GADL1: variants seen among roughly 807,000 people sequenced by gnomAD.
GADL1 encodes the protein acidic amino acid decarboxylase GADL1.
In GADL1, 71 loss-of-function variants were observed where a neutral mutation model predicts 69.5. The observed-to-expected ratio is 1.02, with a 90% CI of 0.84 to 1.25. The LOEUF (loss-of-function observed/expected upper bound fraction) is 1.25, where lower values mean the gene tolerates loss of function less well. GADL1 is among the 50% of genes most tolerant of loss of function. GADL1 has a pLI of 0.00. For missense variants in GADL1, 737 were observed against 631.8 expected, an observed-to-expected ratio of 1.17 and a Z score of -1.79; for synonymous variants, 254 against 214.4, an observed-to-expected ratio of 1.18 and a Z score of -1.62.
chr3:30,777,848 G>GA (rs745570840), intron 14 of GADL1, among the ~76,000 whole-genome samples: 4 of 151,874 alleles, frequency 2.6e-5, no homozygotes, highest in South Asian at 2.1e-4. Context: ...AACAGTCAGA[G>GA]ATGCAGTAGC....
chr3:30,737,529 A>C (rs1695556593), intron 14 of GADL1, among the ~76,000 whole-genome samples: 3 of 152,006 alleles, frequency 2.0e-5, no homozygotes, highest in Admixed American at 2.0e-4. Context: ...CCATTTTTAA[A>C]CCTATCTAAT....
At chr3:30,867,958 A>T (rs1368024531) in intron 1 of GADL1, among the ~76,000 whole-genome samples, 1 of 152,046 alleles carries the variant, frequency 6.6e-6, no homozygotes, top group Non-Finnish European at 1.5e-5. Context: ...CTGAAATTAG[A>T]AGACCTGCCT....
chr3:30,860,805 T>G (rs1698309043), intron 2 of GADL1, among the ~76,000 whole-genome samples: 1 of 152,018 alleles, frequency 6.6e-6, no homozygotes, highest in Admixed American at 6.6e-5. Flanking sequence ...GTGCAGATTG[T>G]GAAGTGATAC....
At chr3:30,867,633 G>A (rs780876915) in intron 1 of GADL1, among the ~76,000 whole-genome samples, 14 of 151,906 alleles carry the variant, frequency 9.2e-5, no homozygotes, top group Admixed American at 1.3e-4. Context: ...CAGAACTAGT[G>A]AGTAGTGAAA....
At chr3:30,873,915 C>T (rs1698538151) in intron 1 of GADL1, among the ~76,000 whole-genome samples, 1 of 152,036 alleles carries the variant, frequency 6.6e-6, no homozygotes, top group Non-Finnish European at 1.5e-5. Flanking sequence ...ATACAGAAAA[C>T]TGTACTTACC....
At chr3:30,729,777 T>C (rs1475436761) in intron 14 of GADL1, among the ~76,000 whole-genome samples, 2 of 152,230 alleles carry the variant, frequency 1.3e-5, no homozygotes, top group Non-Finnish European at 2.9e-5. Context: ...AGGTTAATTT[T>C]AACTCAACAC....
At position 30,857,076 on chromosome 3, in the gene GADL1, G is replaced by T; in HGVS notation, c.276C>A (p.Gly92=). Residue 92 remains glycine, a synonymous_variant, in exon 3 of 15, where the codon GGC becomes GGA. Coordinates refer to ENST00000282538, the MANE Select transcript of GADL1 (RefSeq NM_207359.3). The stretch of plus-strand genomic sequence containing the variant: ...GTTCCAATAGTTTATGGGGTGGCTC[G>T]CCTGAGTCTCTCATCTCCAAATCAA... ...QLLDLEMRDS[G]EPPHKLLELC... The T allele has an allele frequency of 1.9e-6, 3 of 1,549,270 alleles. No individual in the cohort carries two copies. Among genetic ancestry groups the T allele is most frequent in the East Asian group, 2.4e-5 (1 of 40,850 alleles).
chr3:30,838,545 T>C (rs1392089849), intron 9 of GADL1, among the ~76,000 whole-genome samples: 4 of 152,120 alleles, frequency 2.6e-5, no homozygotes, highest in African/African-American at 9.7e-5. Context: ...TCCAGCTGTT[T>C]GGAATCATAA....
At chr3:30,865,769 C>A (rs1180494222) in intron 1 of GADL1, among the ~76,000 whole-genome samples, 1 of 152,004 alleles carries the variant, frequency 6.6e-6, no homozygotes, top group Non-Finnish European at 1.5e-5. Context: ...GTTACCGCAG[C>A]CACTTTTTCT....
chr3:30,758,451 A>C (rs1225466510), intron 14 of GADL1, among the ~76,000 whole-genome samples: 1 of 152,032 alleles, frequency 6.6e-6, no homozygotes. Flanking sequence ...GAAGAACCAC[A>C]ATGATTGTGC....
At chr3:30,790,463 C>G (rs1289978856) in intron 12 of GADL1, among the ~76,000 whole-genome samples, 2 of 152,252 alleles carry the variant, frequency 1.3e-5, no homozygotes, top group African/African-American at 4.8e-5. Flanking sequence ...AGGATTACCA[C>G]AAGCCCTCAA....
intron 12 of GADL1, chr3:30,799,561 G>A (rs987589116): frequency 3.9e-5 from 6 of 152,086 alleles, no homozygotes; most frequent in African/African-American, 1.4e-4. Context: ...GACATGCCCT[G>A]GAGACATTTT....
chr3:30,795,914 TTAAACA>T (rs1449047269), intron 12 of GADL1, among the ~76,000 whole-genome samples: 2 of 152,188 alleles, frequency 1.3e-5, no homozygotes, highest in African/African-American at 4.8e-5. Flanking sequence ...TTTCAAATAC[TTAAACA>T]TAGGTCACAG....
intron 11 of GADL1, among the ~76,000 whole-genome samples, chr3:30,807,218 G>C (rs1198829844): frequency 1.3e-5 from 2 of 152,130 alleles, no homozygotes; most frequent in East Asian, 1.9e-4. Flanking sequence ...CCTCCCAGCT[G>C]TCACTGCCTG....
At chr3:30,773,469 T>G (rs982830813) in intron 14 of GADL1, among the ~76,000 whole-genome samples, 6 of 152,140 alleles carry the variant, frequency 3.9e-5, no homozygotes, top group Admixed American at 2.6e-4. Flanking sequence ...ATAAAAGAAA[T>G]CGCCTGCAAC....
chr3:30,801,071 G>A lies in GADL1; in HGVS notation c.1068C>T (p.Cys356=), dbSNP rs772071246. The change falls in exon 12 of 15, where the codon TGC becomes TGT. Residue 356 remains cysteine, a synonymous_variant. Transcript: ENST00000282538. ...AGAGGTAAGATGCCTTGGCAGAGTA[G>A]CATTTTTTAAGAAGATCCTTCGAAA... ...VKDKSDLLKK[C]YSAKASYLFQ... 8 of 1,611,734 alleles carry A rather than the reference G, an allele frequency of 5.0e-6. No individual in the cohort carries two copies. The highest frequency in any genetic ancestry group is 1.7e-5 in the Admixed American group (1 of 59,604).
At position 30,850,850 on chromosome 3, in the gene GADL1, C is replaced by T. The variant is rs1698135840; in HGVS notation, c.520G>A (p.Gly174Arg). The T allele has an allele frequency of 4.5e-6, 7 of 1,545,206 alleles. No individual in the cohort carries two copies. In the African/African-American group the frequency reaches 9.6e-5, roughly 21 times the overall value. The change falls in exon 5 of 15, where the codon GGA becomes AGA. Residue 174 changes from glycine to arginine, a missense_variant. By Grantham distance (125) the Gly-to-Arg change is moderately radical. Transcript: ENST00000282538. ...TTGTACTCACCTGGGTTAAATATTC[C>T]ATCCCCTTCTTTCCAGCCAATAAAT... The part of the protein sequence containing the change: ...IEFIGWKEGD[G>R]IFNPGGSVSN...
intron 14 of GADL1, among the ~76,000 whole-genome samples, chr3:30,744,731 G>A (rs763718728): frequency 6.6e-6 from 1 of 151,990 alleles, no homozygotes; most frequent in Non-Finnish European, 1.5e-5. Flanking sequence ...AAAAGAAAAA[G>A]CTACATAGTA....
At chr3:30,756,787 C>A (rs140876012) in intron 14 of GADL1, among the ~76,000 whole-genome samples, 1 of 152,162 alleles carries the variant, frequency 6.6e-6, no homozygotes, top group Non-Finnish European at 1.5e-5. Flanking sequence ...AGCTCCCTAC[C>A]TGACCCATAG....
Sources: allele counts gnomAD v4.1 joint callset (sites outside exome capture counted in the v4.1 genomes callset), GRCh38; gene constraint gnomAD v4.1.1; transcripts MANE v1.5; gene names NCBI Gene and HGNC (gene_info 2026-07-23, HGNC 2026-07-21).